The following DPP6 variants were observed in gnomAD, a reference collection of about 807,000 sequenced individuals.
The protein encoded by DPP6 is A-type potassium channel modulatory protein DPP6.
In DPP6, 69 loss-of-function variants were observed where a neutral mutation model predicts 122.6. That is an observed-to-expected ratio of 0.56 (90% CI 0.46 to 0.69). The LOEUF is 0.69. DPP6 is among the 30% of genes least tolerant of loss of function. The probability of loss-of-function intolerance (pLI) is 0.00; values close to 1 mark genes in which losing one functional copy is unlikely to be tolerated. For missense variants in DPP6, 928 were observed against 1,116.9 expected (o/e 0.83, Z 2.41); for synonymous variants, 418 against 433.1 (o/e 0.97, Z 0.43).
chr7:154,892,983 A>G lies in DPP6; in HGVS notation c.*503A>G, dbSNP rs1398575567. On this transcript the variant is annotated 3_prime_UTR_variant, in exon 26 of 26. Coordinates refer to ENST00000377770, the MANE Select transcript of DPP6 (RefSeq NM_130797.4). ...CATATATGGGCTTGCTACTTCCTGT[A>G]ATGAGGACGTTCAACATGGTGAGGG... The G allele has an allele frequency of 1.9e-6, 1 of 513,614 alleles. No individual in the cohort carries two copies. The highest frequency in any genetic ancestry group is 3.9e-6 in the Non-Finnish European group (1 of 255,484). 31.8% of individuals were successfully genotyped at this position (513,614 alleles called of 1,614,324 possible).
intron 1 of DPP6, among the ~76,000 whole-genome samples, chr7:153,965,668 A>G (rs894720663): frequency 1.3e-5 from 2 of 151,750 alleles, no homozygotes; most frequent in Admixed American, 6.6e-5. Flanking sequence ...GCCCACCACC[A>G]CGCCTGGCTA....
intron 1 of DPP6, among the ~76,000 whole-genome samples, chr7:154,147,655 TGTG>T: frequency 7.0e-6 from 1 of 143,048 alleles, no homozygotes; most frequent in South Asian, 2.1e-4. Context: ...AATTTGTGTG[TGTG>T]TGTGTGTGTG....
At chr7:154,476,762 A>C (rs1286830869) in intron 3 of DPP6, among the ~76,000 whole-genome samples, 2 of 152,234 alleles carry the variant, frequency 1.3e-5, no homozygotes, top group East Asian at 3.9e-4. Context: ...AATGCCCAGC[A>C]GTTACAAAAA....
At chr7:154,842,069 A>G (rs758718106) in intron 16 of DPP6, among the ~76,000 whole-genome samples, 37 of 152,236 alleles carry the variant, frequency 2.4e-4, no homozygotes, top group South Asian at 4.1e-4. Flanking sequence ...ACCTCAATGT[A>G]TAAACTTTAT....
intron 1 of DPP6, among the ~76,000 whole-genome samples, chr7:154,130,360 G>C (rs1006139456): frequency 2.0e-5 from 3 of 152,148 alleles, no homozygotes; most frequent in Non-Finnish European, 4.4e-5. Context: ...CTTGCCAGCT[G>C]TAAGATCTGG....
the DPP6 span, among the ~76,000 whole-genome samples, chr7:153,877,093 T>C: frequency 1.3e-5 from 2 of 152,148 alleles, no homozygotes; most frequent in East Asian, 1.9e-4. Context: ...ACTTAGGCTA[T>C]ACTAAATTTG....
the DPP6 span, among the ~76,000 whole-genome samples, chr7:153,784,949 T>C: frequency 2.0e-5 from 3 of 152,234 alleles, no homozygotes; most frequent in Admixed American, 2.0e-4. Context: ...TTTAGCTAAT[T>C]CCCAATTAAC....
Position 154,162,834 on chromosome 7 carries a change from G to A in DPP6, c.243+109771G>A, listed in dbSNP as rs150928865. ...TGTTGAGTGGAACTCTGCACCTGGA[G>A]TCTGACTAGCATTGAGTGGAACTTG... On this transcript the variant is annotated intron_variant, in intron 1 of 25. Coordinates refer to ENST00000377770, the MANE Select transcript of DPP6 (RefSeq NM_130797.4). Among the ~76,000 whole-genome samples, 893 of 152,210 alleles carry A rather than the reference G, an allele frequency of 5.9e-3. 10 individuals are homozygous for A. The highest frequency in any genetic ancestry group is 0.02 in the African/African-American group (835 of 41,510).
chr7:154,379,476 G>A lies in DPP6; in HGVS notation c.244-66738G>A, dbSNP rs1227265977. On this transcript the variant is annotated intron_variant, in intron 1 of 25. Coordinates refer to ENST00000377770, the MANE Select transcript of DPP6 (RefSeq NM_130797.4). ...TACATATGTATCAAACCTGCACATTGTGCACATGTACCCTAGAACTTAAAA... is the reference window on the plus strand; with the variant it reads ...TACATATGTATCAAACCTGCACATTATGCACATGTACCCTAGAACTTAAAA... 1.3e-5 allele frequency among the ~76,000 whole-genome samples: 2 copies of A among 151,996 alleles called. 1 individual carries two copies. The highest frequency in any genetic ancestry group is 3.9e-4 in the East Asian group (2 of 5,184).
At chr7:154,233,280 G>T (rs575323565) in intron 1 of DPP6, among the ~76,000 whole-genome samples, 6 of 152,304 alleles carry the variant, frequency 3.9e-5, no homozygotes, top group Non-Finnish European at 7.4e-5. Flanking sequence ...GCAAGCTTTC[G>T]TGCATTTGCT....
chr7:153,916,982 C>T (rs771607172), intron 1 of DPP6, among the ~76,000 whole-genome samples: 12 of 152,262 alleles, frequency 7.9e-5, no homozygotes, highest in African/African-American at 9.6e-5. Context: ...CACAATTGAG[C>T]GAGTGTGTCC....
At chr7:154,525,720 C>A (rs530571516) in intron 3 of DPP6, among the ~76,000 whole-genome samples, 16 of 151,460 alleles carry the variant, frequency 1.1e-4, no homozygotes, top group Admixed American at 9.9e-4. Flanking sequence ...TTTTTTAATG[C>A]ATAAAATGTC....
intron 1 of DPP6, among the ~76,000 whole-genome samples, chr7:154,163,250 G>A (rs904851135): frequency 2.4e-4 from 36 of 152,136 alleles, no homozygotes; most frequent in Non-Finnish European, 3.2e-4. Context: ...GAATTTATGC[G>A]TTGCTAGTGT....
At chr7:153,851,083 C>G in the DPP6 span, among the ~76,000 whole-genome samples, 3 of 152,168 alleles carry the variant, frequency 2.0e-5, no homozygotes, top group Non-Finnish European at 4.4e-5. Flanking sequence ...ATTTTCCCGA[C>G]AATGTCTAGT....
At chr7:154,710,165 G>A (rs937598571) in intron 7 of DPP6, among the ~76,000 whole-genome samples, 10 of 152,198 alleles carry the variant, frequency 6.6e-5, no homozygotes, top group African/African-American at 1.4e-4. Context: ...CCACAAGTGG[G>A]TGTGGAATCT....
At chr7:154,637,542 T>G (rs1835803922) in intron 5 of DPP6, among the ~76,000 whole-genome samples, 1 of 152,230 alleles carries the variant, frequency 6.6e-6, no homozygotes, top group Non-Finnish European at 1.5e-5. Flanking sequence ...TATATTTAGT[T>G]AAGCCTGAAA....
chr7:153,868,303 C>G, the DPP6 span, among the ~76,000 whole-genome samples: 1 of 152,054 alleles, frequency 6.6e-6, no homozygotes, highest in Non-Finnish European at 1.5e-5. Flanking sequence ...GGTTGGTAAG[C>G]TATTAATTAT....
intron 5 of DPP6, among the ~76,000 whole-genome samples, chr7:154,601,083 G>GAAACAA (rs1833395128): frequency 8.3e-6 from 1 of 119,928 alleles, no homozygotes; most frequent in Non-Finnish European, 1.9e-5. Flanking sequence ...TCCATCTCAA[G>GAAACAA]AAACAAAAAC....
chr7:154,479,936 A>G (rs1823105777), intron 3 of DPP6, among the ~76,000 whole-genome samples: 1 of 152,018 alleles, frequency 6.6e-6, no homozygotes, highest in Non-Finnish European at 1.5e-5. Context: ...TGAAACTGCC[A>G]GAAGAGAGCT....
Sources: gnomAD v4.1 joint callset for allele counts (sites outside exome capture counted in the v4.1 genomes callset) on GRCh38, gnomAD v4.1.1 for gene constraint, MANE v1.5 for transcripts, NCBI Gene and HGNC (gene_info 2026-07-23, HGNC 2026-07-21) for gene names.